The following UTRN variants were observed in gnomAD, a reference collection of about 807,000 sequenced individuals.
UTRN encodes dystrophin-related protein 1.
UTRN carries 283 observed loss-of-function variants against 463.9 expected under a neutral mutation model. The ratio of observed to expected loss-of-function variants is 0.61; its 90% CI spans 0.55 to 0.67. The LOEUF (loss-of-function observed/expected upper bound fraction) is 0.67, where lower values mean the gene tolerates loss of function less well. Among genes scored for constraint, UTRN ranks in the 30% least tolerant of loss-of-function variants. The pLI, the probability that UTRN is intolerant of heterozygous loss-of-function variation, is 0.00. For synonymous variants in UTRN, 1,442 were observed against 1,431.5 expected (o/e 1.01, Z -0.17); for missense variants, 3,922 against 4,084.3 (o/e 0.96, Z 1.08).
intron 51 of UTRN, among the ~76,000 whole-genome samples, chr6:144,604,700 G>A (rs1804643734): frequency 1.3e-5 from 2 of 152,068 alleles, no homozygotes; most frequent in Admixed American, 1.3e-4. Context: ...GATCACCTGA[G>A]GTCAGGAGTT....
At chr6:144,713,614 CA>C (rs59879676) in intron 53 of UTRN, among the ~76,000 whole-genome samples, 33 of 136,304 alleles carry the variant, frequency 2.4e-4, no homozygotes, top group Non-Finnish European at 1.7e-4. Context: ...AACTCTGTCT[CA>C]AAAAAAAAAA....
chr6:144,715,059 A>G (rs1186688302), intron 53 of UTRN, among the ~76,000 whole-genome samples: 1 of 152,072 alleles, frequency 6.6e-6, no homozygotes, highest in East Asian at 1.9e-4. Flanking sequence ...TAAAAATGCC[A>G]TCTATATGCC....
Position 144,462,742 on chromosome 6 carries a change from A to T in UTRN, c.2942A>T (p.Asp981Val), listed in dbSNP as rs533485792. ...GCTCTGGAGAAAAATGTTCATCCTGATGTAGAAAAATTATATAAGCAAGAA... is the reference window on the plus strand; with the variant it reads ...GCTCTGGAGAAAAATGTTCATCCTGTTGTAGAAAAATTATATAAGCAAGAA... ...TKALEKNVHP[D>V]VEKLYKQEFD... is the part of the protein sequence containing the mutation. Residue 981 changes from aspartate to valine, a missense_variant, in exon 23 of 75, where the codon GAT (aspartate) becomes GTT (valine). This residue lies in a region of UTRN where 2,349 missense variants were observed against 2,303.8 expected (regional missense o/e 1.02). Coordinates refer to ENST00000367545, the MANE Select transcript of UTRN (RefSeq NM_007124.3). 2 of 1,612,004 alleles carry T rather than the reference A, an allele frequency of 1.2e-6. No homozygotes were observed. The highest frequency in any genetic ancestry group is 1.7e-6 in the Non-Finnish European group (2 of 1,179,560).
chr6:144,520,031 T>C (rs571673673), intron 39 of UTRN, among the ~76,000 whole-genome samples: 1 of 152,348 alleles, frequency 6.6e-6, no homozygotes, highest in South Asian at 2.1e-4. Flanking sequence ...TAAATGTCCC[T>C]ACAAGCATAA....
chr6:144,511,266 T>A, intron 35 of UTRN, 143 bp downstream of exon 35: 1 of 789,178 alleles, frequency 1.3e-6, no homozygotes, highest in Non-Finnish European at 1.8e-6. Context: ...TTCATTAGAC[T>A]AGGTTTTATT....
chr6:144,358,780 T>C (rs1778793294), intron 2 of UTRN, among the ~76,000 whole-genome samples: 1 of 152,204 alleles, frequency 6.6e-6, no homozygotes, highest in Non-Finnish European at 1.5e-5. Flanking sequence ...GCTTTTTCTT[T>C]TAAAAATTGC....
chr6:144,344,529 CCAGAG>C (rs1777409418), intron 2 of UTRN, among the ~76,000 whole-genome samples: 1 of 152,186 alleles, frequency 6.6e-6, no homozygotes, highest in African/African-American at 2.4e-5. Context: ...TGATAATTCA[CCAGAG>C]TTATTAGTTT....
intron 46 of UTRN, among the ~76,000 whole-genome samples, chr6:144,546,285 T>A (rs1391770490): frequency 6.6e-6 from 1 of 152,144 alleles, no homozygotes; most frequent in Non-Finnish European, 1.5e-5. Flanking sequence ...TGTAATGGGT[T>A]CTTATTGTTC....
chr6:144,543,315 T>C (rs1798138014), intron 46 of UTRN, among the ~76,000 whole-genome samples: 1 of 152,206 alleles, frequency 6.6e-6, no homozygotes, highest in South Asian at 2.1e-4. Context: ...AGGTGGGGGA[T>C]GGATATTTAG....
In UTRN at chr6:144,343,090, A is replaced by G. The variant is rs531268061; in HGVS notation, c.79+51183A>G. On this transcript the variant is annotated intron_variant, in intron 2 of 74. Transcript: ENST00000367545. ...ACTGTTAGTTTCTCTTTTCTGTATCATAGTACAGTAGCAGGATGAGAGACA... is the reference window on the plus strand; with the variant it reads ...ACTGTTAGTTTCTCTTTTCTGTATCGTAGTACAGTAGCAGGATGAGAGACA... 3.3e-5 allele frequency among the ~76,000 whole-genome samples: 5 copies of G among 152,304 alleles called. No individual in the cohort carries two copies. In the South Asian group the frequency reaches 8.3e-4, roughly 25 times the overall value.
At chr6:144,738,141 C>G (rs190565570) in intron 54 of UTRN, among the ~76,000 whole-genome samples, 1 of 152,206 alleles carries the variant, frequency 6.6e-6, no homozygotes, top group Admixed American at 6.5e-5. Flanking sequence ...TGACTCATCC[C>G]TTCGATTTTA....
At chr6:144,696,573 A>G (rs924914845) in intron 52 of UTRN, among the ~76,000 whole-genome samples, 5 of 152,168 alleles carry the variant, frequency 3.3e-5, no homozygotes, top group Non-Finnish European at 7.4e-5. Flanking sequence ...AGTAGGAACA[A>G]TCTTTTAAAG....
chr6:144,379,955 A>T (rs1780766975), intron 2 of UTRN, among the ~76,000 whole-genome samples: 1 of 152,216 alleles, frequency 6.6e-6, no homozygotes, highest in South Asian at 2.1e-4. Flanking sequence ...GGAAGATGAG[A>T]AGAATTTTTC....
At chr6:144,431,012 A>G (rs1383038594) in intron 9 of UTRN, among the ~76,000 whole-genome samples, 1 of 152,182 alleles carries the variant, frequency 6.6e-6, no homozygotes, top group Non-Finnish European at 1.5e-5. Flanking sequence ...GTGAATATCA[A>G]ATGATGCTGA....
At chr6:144,590,950 A>G (rs1803002100) in intron 51 of UTRN, among the ~76,000 whole-genome samples, 1 of 152,086 alleles carries the variant, frequency 6.6e-6, no homozygotes, top group Admixed American at 6.6e-5. Context: ...AATGGTAAAA[A>G]CAAAGCCTGG....
intron 13 of UTRN, among the ~76,000 whole-genome samples, chr6:144,442,715 A>G (rs1228353266): frequency 6.6e-6 from 1 of 152,220 alleles, no homozygotes; most frequent in Non-Finnish European, 1.5e-5. Context: ...ATCTGCCCCC[A>G]TGCTTCAATT....
chr6:144,315,423 A>T (rs1288623351), intron 2 of UTRN, among the ~76,000 whole-genome samples: 1 of 151,980 alleles, frequency 6.6e-6, no homozygotes, highest in African/African-American at 2.4e-5. Flanking sequence ...CGGGTGCTTG[A>T]TGTGCATTGA....
intron 62 of UTRN, among the ~76,000 whole-genome samples, chr6:144,792,274 G>A (rs535339016): frequency 4.6e-5 from 7 of 152,232 alleles, no homozygotes; most frequent in African/African-American, 1.4e-4. Context: ...GACCAGGCAC[G>A]GTGGCTCACA....
At chr6:144,743,326 A>G (rs925427856) in intron 54 of UTRN, among the ~76,000 whole-genome samples, 4 of 152,240 alleles carry the variant, frequency 2.6e-5, no homozygotes, top group Non-Finnish European at 5.9e-5. Context: ...TTAAACAATA[A>G]CACTGGGCGA....
Sources: allele counts gnomAD v4.1 joint callset (sites outside exome capture counted in the v4.1 genomes callset), GRCh38; gene constraint gnomAD v4.1.1; regional missense constraint gnomAD v4.1.1; transcripts MANE v1.5; gene names NCBI Gene and HGNC (gene_info 2026-07-23, HGNC 2026-07-21).